Variants in TOGARAM1 observed in about 807,000 individuals in gnomAD.
The protein encoded by TOGARAM1 is TOG array regulator of axonemal microtubules protein 1.
In TOGARAM1, 100 loss-of-function variants were observed where a neutral mutation model predicts 166.6. The ratio of observed to expected loss-of-function variants is 0.60; its 90% CI spans 0.51 to 0.71. The LOEUF is 0.71. Ranked by LOEUF, TOGARAM1 falls within the 30% of genes least tolerant of loss-of-function variation. TOGARAM1 has a pLI of 0.00. For missense variants in TOGARAM1, 2,029 were observed against 2,102.7 expected (o/e 0.96, Z 0.69); for synonymous variants, 758 against 763.8 (o/e 0.99, Z 0.13).
At chr14:45,051,727 T>C (rs1330472630) in intron 14 of TOGARAM1, among the ~76,000 whole-genome samples, 1 of 151,980 alleles carries the variant, frequency 6.6e-6, no homozygotes, top group Non-Finnish European at 1.5e-5. Flanking sequence ...ATCTGGCTAA[T>C]TTTTGTATTT....
intron 18 of TOGARAM1, 76 bp downstream of exon 18, chr14:45,068,719 TG>T: frequency 9.1e-7 from 1 of 1,102,636 alleles, no homozygotes; most frequent in Non-Finnish European, 1.3e-6. Context: ...ATACTTTTTT[TG>T]TAATGCTGAA....
At chr14:45,013,745 ACTTATC>A (rs2138866224) in intron 7 of TOGARAM1, among the ~76,000 whole-genome samples, 1 of 152,260 alleles carries the variant, frequency 6.6e-6, no homozygotes, top group African/African-American at 2.4e-5. Context: ...AAATACATAA[ACTTATC>A]CTTAATCCTT....
chr14:45,054,320 T>C (rs1032636850), intron 15 of TOGARAM1, 111 bp from the exon 16 acceptor site: 2 of 646,568 alleles, frequency 3.1e-6, no homozygotes, highest in Non-Finnish European at 5.2e-6. Flanking sequence ...ATTATTAAAA[T>C]ACTTTCCATC....
Position 44,964,323 on chromosome 14 carries a change from G to GCA in TOGARAM1, c.1905_1906dup (p.Ile636ThrfsTer16). ...GTGGTGACCACGTGAGGGATAGCAT[G>GCA]CACATTTATGGATCTTACAGCCCAA... On this transcript the variant is annotated frameshift_variant, in exon 1 of 20. Coordinates refer to ENST00000361462, the MANE Select transcript of TOGARAM1 (RefSeq NM_001308120.2). LOFTEE classifies it high-confidence loss of function. 3 of 1,614,184 alleles carry GCA rather than the reference G, an allele frequency of 1.9e-6. No homozygotes were observed. Among genetic ancestry groups the GCA allele is most frequent in the Non-Finnish European group, 2.5e-6 (3 of 1,180,034 alleles).
intron 19 of TOGARAM1, among the ~76,000 whole-genome samples, 166 bp from the exon 20 acceptor site, chr14:45,073,130 A>T (rs1883454034): frequency 6.6e-6 from 1 of 152,228 alleles, no homozygotes; most frequent in South Asian, 2.1e-4. Context: ...TGAAGATCCC[A>T]ATCTTTGAGA....
At chr14:45,025,554 A>T (rs1358105375) in intron 7 of TOGARAM1, 2 of 369,920 alleles carry the variant, frequency 5.4e-6, no homozygotes, top group Non-Finnish European at 9.7e-6. Context: ...ACAGAGCGAG[A>T]CTCCATCTCA....
intron 6 of TOGARAM1, among the ~76,000 whole-genome samples, chr14:45,010,473 G>A (rs969644733): frequency 7.2e-5 from 11 of 152,148 alleles, no homozygotes; most frequent in African/African-American, 2.4e-4. Flanking sequence ...CTTCCATGAA[G>A]ATGAAAATTT....
At chr14:44,985,006 A>G (rs540178865) in intron 1 of TOGARAM1, among the ~76,000 whole-genome samples, 13 of 151,998 alleles carry the variant, frequency 8.6e-5, no homozygotes, top group Non-Finnish European at 1.9e-4. Flanking sequence ...AAAGTCATGT[A>G]ACCAAAACTA....
At chr14:45,057,573 A>G (rs1470581660) in intron 16 of TOGARAM1, among the ~76,000 whole-genome samples, 1 of 151,834 alleles carries the variant, frequency 6.6e-6, no homozygotes, top group Non-Finnish European at 1.5e-5. Context: ...TACTTTTTTC[A>G]TGTAGGCATT....
chr14:45,008,958 A>G lies in TOGARAM1; in HGVS notation c.2950A>G (p.Arg984Gly). Residue 984 changes from arginine (R) to glycine (G), a missense_variant, in exon 6 of 20, where the codon AGA becomes GGA. Around this residue, in one of 2 missense-constraint regions of TOGARAM1, gnomAD observed 1,453 missense variants for 1,432.2 expected, o/e 1.01. Coordinates refer to ENST00000361462, the MANE Select transcript of TOGARAM1 (RefSeq NM_001308120.2). The stretch of plus-strand genomic sequence containing the variant: ...CCTTCGTAATAGTGCAGCTAAGAAA[A>G]GAGCAAAACTGAGTGGCAGTACTTC... ...RSLRNSAAKK[R>G]AKLSGSTSDL... is the part of the protein sequence containing the mutation. 3.7e-6 allele frequency: 6 copies of G among 1,614,142 alleles called. No homozygotes were observed. The highest frequency in any genetic ancestry group is 5.1e-6 in the Non-Finnish European group (6 of 1,179,988).
At chr14:44,980,542 A>C (rs1886473329) in intron 1 of TOGARAM1, among the ~76,000 whole-genome samples, 1 of 152,120 alleles carries the variant, frequency 6.6e-6, no homozygotes, top group South Asian at 2.1e-4. Context: ...TTAGTTGGGC[A>C]TGGTGGCATG....
At chr14:45,036,238 A>G (rs1319608959) in intron 11 of TOGARAM1, among the ~76,000 whole-genome samples, 9 of 151,940 alleles carry the variant, frequency 5.9e-5, no homozygotes, top group African/African-American at 1.9e-4. Flanking sequence ...TACCAAGGCA[A>G]CAAAGGAGAT....
Position 45,046,640 on chromosome 14 carries a change from A to T in TOGARAM1, c.4250A>T (p.Asp1417Val). Residue 1417 changes from aspartate (D) to valine (V), a missense_variant, in exon 14 of 20, where the codon GAT (aspartate) becomes GTT (valine). Physicochemically the swap from Asp to Val is radical, Grantham distance 152 (BLOSUM62 -3). This residue lies in a region of TOGARAM1 where 576 missense variants were observed against 670.5 expected (regional missense o/e 0.86). Transcript: ENST00000361462. The part of the protein sequence containing the change: ...EPERILSAAK[D>V]MAERILPAAA... ...GAACGTATTTTATCTGCAGCAAAGG[A>T]TATGGCTGAACGCATATTACCAGCT... The T allele has an allele frequency of 7.2e-7, 1 of 1,397,986 alleles. No homozygotes were observed. The highest frequency in any genetic ancestry group is 9.4e-7 in the Non-Finnish European group (1 of 1,068,306). The allele number at this position is 1,397,986 out of a possible 1,614,324, so 86.6% of individuals were successfully genotyped here. A position where few individuals can be genotyped will look rare whatever the true frequency, so the allele number is the denominator to read the frequency against.
intron 19 of TOGARAM1, 102 bp from the exon 20 acceptor site, chr14:45,073,194 A>G (rs759452758): frequency 8.7e-6 from 10 of 1,150,438 alleles, no homozygotes; most frequent in South Asian, 1.7e-5. Context: ...AGGACAAATT[A>G]CATAAGGAAG....
intron 1 of TOGARAM1, among the ~76,000 whole-genome samples, chr14:44,965,200 A>G (rs1008324036): frequency 6.6e-6 from 1 of 152,220 alleles, no homozygotes; most frequent in African/African-American, 2.4e-5. Flanking sequence ...ATATCTCGGC[A>G]TATATCTCCT....
intron 1 of TOGARAM1, among the ~76,000 whole-genome samples, chr14:44,993,021 G>A (rs1887230069): frequency 6.6e-6 from 1 of 151,756 alleles, no homozygotes; most frequent in African/African-American, 2.4e-5. Flanking sequence ...TCAGCACTTT[G>A]AGAGGCCAAG....
chr14:44,988,468 T>C (rs1886968384), intron 1 of TOGARAM1, among the ~76,000 whole-genome samples: 1 of 152,218 alleles, frequency 6.6e-6, no homozygotes, highest in Admixed American at 6.5e-5. Context: ...CTCTTTTTTA[T>C]AACATAGATA....
rs1240728371 is a variant in TOGARAM1, at chr14:45,074,065, T to C, written c.*504T>C. On this transcript the variant is annotated 3_prime_UTR_variant, in exon 20 of 20. Transcript: ENST00000361462. ...GCTAATATGATTGTGCAGTATTAGC[T>C]TGCTTTTGCTGCTGTGTTAATGTCA... 6.5e-6 allele frequency: 1 copy of C among 153,016 alleles called. No individual in the cohort carries two copies. The highest frequency in any genetic ancestry group is 1.9e-4 in the East Asian group (1 of 5,190). The allele number at this position is 153,016 out of a possible 1,614,324, so 9.5% of individuals were successfully genotyped here. A position where few individuals can be genotyped will look rare whatever the true frequency, so the allele number is the denominator to read the frequency against.
At chr14:45,072,314 T>C (rs1883421266) in intron 19 of TOGARAM1, among the ~76,000 whole-genome samples, 1 of 152,192 alleles carries the variant, frequency 6.6e-6, no homozygotes, top group South Asian at 2.1e-4. Flanking sequence ...GGTCCAGTGC[T>C]GTCTCAGGCC....
Sources: gnomAD v4.1 joint callset for allele counts (sites outside exome capture counted in the v4.1 genomes callset) on GRCh38, gnomAD v4.1.1 for gene constraint, gnomAD v4.1.1 regional missense constraint, MANE v1.5 for transcripts, NCBI Gene and HGNC (gene_info 2026-07-23, HGNC 2026-07-21) for gene names.